Variants in AKAP9 observed in about 807,000 individuals in gnomAD.
The protein encoded by AKAP9 is A-kinase anchor protein 9.
In AKAP9, 311 loss-of-function variants were observed where a neutral mutation model predicts 488.5. The observed-to-expected ratio is 0.64, with a 90% confidence interval of 0.58 to 0.70. The LOEUF (loss-of-function observed/expected upper bound fraction) is 0.70, where lower values mean the gene tolerates loss of function less well. AKAP9 is among the 30% of genes least tolerant of loss of function. The probability of loss-of-function intolerance (pLI) is 0.00; values close to 1 mark genes in which losing one functional copy is unlikely to be tolerated. For synonymous variants in AKAP9, 1,462 were observed against 1,483.5 expected, an observed-to-expected ratio of 0.99 and a Z score of 0.33; for missense variants, 4,215 against 4,374.5, an observed-to-expected ratio of 0.96 and a Z score of 1.03.
intron 12 of AKAP9, among the ~76,000 whole-genome samples, chr7:92,019,773 C>T (rs971557786): frequency 2.6e-5 from 4 of 151,780 alleles, no homozygotes; most frequent in African/African-American, 7.3e-5. Flanking sequence ...TTTAGTTGGC[C>T]AAGGTGGGCC....
chr7:92,054,239 T>C (rs889071980), intron 22 of AKAP9, among the ~76,000 whole-genome samples: 1 of 152,148 alleles, frequency 6.6e-6, no homozygotes, highest in African/African-American at 2.4e-5. Flanking sequence ...TTTTAACAGA[T>C]TGACACAGAA....
rs553192376 is a variant in AKAP9 at position 92,069,345 on chromosome 7, G to C, written c.6331-685G>C. Reference sequence around the variant, plus strand: ...AAATCCATTTTTTCCCCTCTTCCTAGGTGGAGAAAGTCTTAGTCTTAAGAG... The same window carrying C: ...AAATCCATTTTTTCCCCTCTTCCTACGTGGAGAAAGTCTTAGTCTTAAGAG... On this transcript the variant is annotated intron_variant, in intron 26 of 49. Transcript: ENST00000356239. Among the ~76,000 whole-genome samples, 366 of 152,150 alleles carry C rather than the reference G, an allele frequency of 2.4e-3. 2 individuals are homozygous for C. Among genetic ancestry groups the C allele is most frequent in the African/African-American group, 8.3e-3 (343 of 41,516 alleles).
chr7:92,085,354 G>A lies in AKAP9; in HGVS notation c.8833-141G>A, dbSNP rs1192237895. On this transcript the variant is annotated intron_variant, in intron 35 of 49. Transcript: ENST00000356239. ...GCTGGGGTTGGCTTACCCCTCCACAGGAAGAAGGCATTCAGTAATGTTGGG... is the reference window on the plus strand; with the variant it reads ...GCTGGGGTTGGCTTACCCCTCCACAAGAAGAAGGCATTCAGTAATGTTGGG... 3.7e-6 allele frequency: 3 copies of A among 805,070 alleles called. No individual in the cohort carries two copies. In the Admixed American group the frequency reaches 6.4e-5, roughly 17 times the overall value. The allele number at this position is 805,070 out of a possible 1,614,324, so 49.9% of individuals were successfully genotyped here. A position where few individuals can be genotyped will look rare whatever the true frequency, so the allele number is the denominator to read the frequency against.
At chr7:92,061,484 T>A (rs1289258268) in intron 23 of AKAP9, 62 bp downstream of exon 23, 2 of 1,582,566 alleles carry the variant, frequency 1.3e-6, no homozygotes, top group Admixed American at 1.7e-5. Context: ...TAGAGATTTT[T>A]GATGCACAGC....
At chr7:92,066,664 C>T in intron 26 of AKAP9, 118 bp downstream of exon 26, 1 of 1,303,918 alleles carries the variant, frequency 7.7e-7, no homozygotes, top group East Asian at 2.4e-5. Context: ...TCTTCAAAAT[C>T]AGAAAACTTA....
intron 1 of AKAP9, among the ~76,000 whole-genome samples, chr7:91,952,155 C>T (rs929678156): frequency 6.6e-6 from 1 of 152,144 alleles, no homozygotes; most frequent in African/African-American, 2.4e-5. Flanking sequence ...TTATGCAAGT[C>T]AGTGGGAATT....
intron 1 of AKAP9, among the ~76,000 whole-genome samples, chr7:91,942,561 C>T (rs1419555167): frequency 6.6e-6 from 1 of 152,178 alleles, no homozygotes; most frequent in African/African-American, 2.4e-5. Context: ...CCTCCAAAAG[C>T]ATTGAAGATC....
intron 16 of AKAP9, among the ~76,000 whole-genome samples, chr7:92,035,081 G>A (rs1020100594): frequency 3.3e-5 from 5 of 152,150 alleles, no homozygotes; most frequent in African/African-American, 1.2e-4. Context: ...ATACTCGAAA[G>A]CATAGCGTTA....
Position 92,084,806 on chromosome 7 carries a change from T to G in AKAP9, c.8711-13T>G, listed in dbSNP as rs1814222230. ...TTTTTTTTTTTAACAGCAAATTATT[T>G]TCTTTATTTTAGATTCTGGATCAGA... On this transcript the variant is annotated splice_polypyrimidine_tract_variant and intron_variant, in intron 34 of 49. Coordinates refer to ENST00000356239, the MANE Select transcript of AKAP9 (RefSeq NM_005751.5). 6.2e-7 allele frequency: 1 copy of G among 1,611,840 alleles called. No homozygotes were observed. Among genetic ancestry groups the G allele is most frequent in the Admixed American group, 1.7e-5 (1 of 59,788 alleles).
intron 37 of AKAP9, 54 bp from the exon 38 acceptor site, chr7:92,089,331 A>G: frequency 6.3e-7 from 1 of 1,594,994 alleles, no homozygotes; most frequent in South Asian, 1.1e-5. Flanking sequence ...TTGGTTGTTA[A>G]TTGTATTGCC....
rs190612881 is a variant in AKAP9 at position 91,959,311 on chromosome 7, A to T, written c.49-14400A>T. On this transcript the variant is annotated intron_variant, in intron 1 of 49. Coordinates refer to ENST00000356239, the MANE Select transcript of AKAP9 (RefSeq NM_005751.5). ...TTTTATTATTACTACTATTTTTGAG[A>T]TAGGATCTCACTCTGTTGCCCAGGC... Among the ~76,000 whole-genome samples, 581 of 151,996 alleles carry T rather than the reference A, an allele frequency of 3.8e-3. 3 individuals are homozygous for T. Among genetic ancestry groups the T allele is most frequent in the African/African-American group, 0.013 (559 of 41,458 alleles).
At chr7:92,029,717 G>A (rs1310940837) in intron 14 of AKAP9, among the ~76,000 whole-genome samples, 178 bp from the exon 15 acceptor site, 1 of 152,134 alleles carries the variant, frequency 6.6e-6, no homozygotes, top group Non-Finnish European at 1.5e-5. Flanking sequence ...TTATTCAATT[G>A]TGTTCTTTTA....
intron 7 of AKAP9, among the ~76,000 whole-genome samples, chr7:91,996,347 C>T (rs1173121808): frequency 6.6e-6 from 1 of 152,054 alleles, no homozygotes. Flanking sequence ...AATCATAAAA[C>T]TACTCATCCT....
At chr7:92,101,097 T>C in intron 45 of AKAP9, 41 bp downstream of exon 45, 2 of 1,585,936 alleles carry the variant, frequency 1.3e-6, no homozygotes, top group Non-Finnish European at 1.7e-6. Flanking sequence ...GCTGGTTCTA[T>C]GTTTTTGCCT....
intron 3 of AKAP9, among the ~76,000 whole-genome samples, chr7:91,988,333 G>A (rs1336456226): frequency 1.5e-5 from 2 of 134,128 alleles, no homozygotes; most frequent in African/African-American, 2.8e-5. Flanking sequence ...AAAGCTAGGT[G>A]ATAGTGTGTG....
Position 92,089,536 on chromosome 7 carries a change from T to C in AKAP9, c.9358+7T>C, listed in dbSNP as rs1584505990. On this transcript the variant is annotated splice_region_variant and intron_variant, in intron 38 of 49. Coordinates refer to ENST00000356239, the MANE Select transcript of AKAP9 (RefSeq NM_005751.5). ...AGTGAGAAACCAAGCCAAGGTATGT[T>C]GTATGACAAGCTCATATGGTTACAC... 6.2e-7 allele frequency: 1 copy of C among 1,612,914 alleles called. No individual in the cohort carries two copies. The highest frequency in any genetic ancestry group is 1.1e-5 in the South Asian group (1 of 90,946).
At chr7:92,071,060 C>A in intron 28 of AKAP9, 51 bp downstream of exon 28, 1 of 1,442,556 alleles carries the variant, frequency 6.9e-7, no homozygotes, top group Non-Finnish European at 9.8e-7. Context: ...TATTTTAAAT[C>A]AGTTACCTTG....
rs1446783621 is a variant in AKAP9, at chr7:92,097,414, C to G, written c.10398+57C>G. The G allele has an allele frequency of 1.9e-6, 3 of 1,582,314 alleles. No individual in the cohort carries two copies. The East Asian group carries it at 7.0e-5, about 37-fold the overall frequency. On this transcript the variant is annotated intron_variant, in intron 41 of 49. Transcript: ENST00000356239. ...AAGGAAAGCACTGCAGCCCTTTGATCATTAAATTTTGATATTGGATTAAAT... is the reference window on the plus strand; with the variant it reads ...AAGGAAAGCACTGCAGCCCTTTGATGATTAAATTTTGATATTGGATTAAAT...
At chr7:92,026,870 G>A (rs1195281056) in intron 14 of AKAP9, among the ~76,000 whole-genome samples, 62 of 129,684 alleles carry the variant, frequency 4.8e-4, no homozygotes, top group African/African-American at 1.5e-3. Flanking sequence ...CGGCCGCCAC[G>A]CCGTCTAGGA....
Sources: gnomAD v4.1 joint callset for allele counts (sites outside exome capture counted in the v4.1 genomes callset) on GRCh38, gnomAD v4.1.1 for gene constraint, MANE v1.5 for transcripts, NCBI Gene and HGNC (gene_info 2026-07-23, HGNC 2026-07-21) for gene names.